FRMD4A: variants seen among roughly 807,000 people sequenced by gnomAD.
FRMD4A encodes FERM domain-containing protein 4A.
In FRMD4A, 29 loss-of-function variants were observed where a neutral mutation model predicts 129.1. The observed-to-expected ratio is 0.22, with a 90% CI of 0.17 to 0.31. FRMD4A has a LOEUF of 0.31. Ranked by LOEUF, FRMD4A falls within the 10% of genes least tolerant of loss-of-function variation. The pLI is 1.00. For missense variants in FRMD4A, 1,272 were observed against 1,375.8 expected (o/e 0.92, Z 1.19); for synonymous variants, 634 against 571.6 (o/e 1.11, Z -1.56).
chr10:13,710,079 C>A (rs2087859794), intron 12 of FRMD4A, among the ~76,000 whole-genome samples: 1 of 152,082 alleles, frequency 6.6e-6, no homozygotes, highest in Non-Finnish European at 1.5e-5. Context: ...TGATCCTGGC[C>A]TTAGGTCCTG....
intron 2 of FRMD4A, among the ~76,000 whole-genome samples, chr10:14,207,278 A>G (rs1270058273): frequency 6.6e-6 from 1 of 152,196 alleles, no homozygotes; most frequent in African/African-American, 2.4e-5. Flanking sequence ...GACTGGTTTC[A>G]TGAAAGACAA....
In FRMD4A at chr10:13,955,112, C is replaced by CTTTTTTTTTTTTTTTTTTTTTTT. The variant is rs71388139; in HGVS notation, c.46-96201_46-96200insAAAAAAAAAAAAAAAAAAAAAAA. ...TTCCAACCCCATGTTAATAATTCTG[C>CTTTTTTTTTTTTTTTTTTTTTTT]TTTTTTTTTTTTTGAGACGGAGTAT... On this transcript the variant is annotated intron_variant, in intron 2 of 24. Coordinates refer to ENST00000357447, the MANE Select transcript of FRMD4A (RefSeq NM_018027.5). Among the ~76,000 whole-genome samples the CTTTTTTTTTTTTTTTTTTTTTTT allele has an allele frequency of 1.2e-4, 12 of 102,958 alleles. 2 individuals are homozygous for CTTTTTTTTTTTTTTTTTTTTTTT. Among genetic ancestry groups the CTTTTTTTTTTTTTTTTTTTTTTT allele is most frequent in the Admixed American group, 2.6e-4 (2 of 7,824 alleles). The allele number at this position is 102,958 out of a possible 152,430, so 67.5% of individuals were successfully genotyped here. A position where few individuals can be genotyped will look rare whatever the true frequency, so the allele number is the denominator to read the frequency against.
chr10:14,121,438 G>A (rs111847747), intron 2 of FRMD4A, among the ~76,000 whole-genome samples: 1 of 152,118 alleles, frequency 6.6e-6, no homozygotes, highest in Non-Finnish European at 1.5e-5. Context: ...GGCCCAAAAT[G>A]GGCCTGGAAA....
intron 8 of FRMD4A, among the ~76,000 whole-genome samples, chr10:13,761,166 A>G (rs1476281197): frequency 6.6e-6 from 1 of 152,236 alleles, no homozygotes; most frequent in Non-Finnish European, 1.5e-5. Context: ...GACAGAAGGA[A>G]AGCAGAGGTG....
At chr10:13,871,803 C>T (rs2094441587) in intron 2 of FRMD4A, among the ~76,000 whole-genome samples, 1 of 152,258 alleles carries the variant, frequency 6.6e-6, no homozygotes, top group Non-Finnish European at 1.5e-5. Flanking sequence ...ACACATCCCA[C>T]TCCTGTCCTC....
chr10:13,716,082 C>T (rs2088774655), intron 12 of FRMD4A, among the ~76,000 whole-genome samples: 1 of 152,020 alleles, frequency 6.6e-6, no homozygotes, highest in Non-Finnish European at 1.5e-5. Context: ...GTGTCATGAG[C>T]ATTGCAAAAA....
At chr10:14,209,110 C>T (rs1842867236) in intron 2 of FRMD4A, among the ~76,000 whole-genome samples, 1 of 152,076 alleles carries the variant, frequency 6.6e-6, no homozygotes, top group South Asian at 2.1e-4. Flanking sequence ...TTTTCTCTTC[C>T]TCACTTTCCT....
intron 2 of FRMD4A, among the ~76,000 whole-genome samples, chr10:14,157,422 G>A (rs1840657618): frequency 1.3e-5 from 2 of 152,202 alleles, no homozygotes; most frequent in Non-Finnish European, 2.9e-5. Context: ...AGTGGAAGCG[G>A]AGTGGGATTG....
At chr10:13,956,632 T>C (rs1424944172) in intron 2 of FRMD4A, among the ~76,000 whole-genome samples, 2 of 152,218 alleles carry the variant, frequency 1.3e-5, no homozygotes, top group Non-Finnish European at 2.9e-5. Context: ...GTGTACGCCA[T>C]GATGCTAATC....
At chr10:14,083,745 T>C (rs1411646886) in intron 2 of FRMD4A, 1 of 152,194 alleles carries the variant, frequency 6.6e-6, no homozygotes, top group Non-Finnish European at 1.5e-5. Flanking sequence ...CCCTCATTTA[T>C]GGCAGCAAAG....
At chr10:14,190,482 C>T (rs1441197397) in intron 2 of FRMD4A, among the ~76,000 whole-genome samples, 1 of 152,138 alleles carries the variant, frequency 6.6e-6, no homozygotes, top group Non-Finnish European at 1.5e-5. Context: ...AGCGATCCTG[C>T]CTCCCGAGTA....
chr10:13,679,444 A>T (rs2084295593), intron 15 of FRMD4A, among the ~76,000 whole-genome samples: 2 of 50,080 alleles, frequency 4.0e-5, no homozygotes, highest in Admixed American at 2.3e-4. Context: ...AAAAAAAAAA[A>T]AAAAAAAAAA....
intron 3 of FRMD4A, among the ~76,000 whole-genome samples, chr10:13,851,393 T>C (rs897612265): frequency 2.9e-4 from 44 of 152,194 alleles, no homozygotes; most frequent in Non-Finnish European, 1.5e-4. Flanking sequence ...CCCTGGGCCA[T>C]GGACTGGTAC....
intron 2 of FRMD4A, among the ~76,000 whole-genome samples, chr10:14,216,021 T>C (rs1394174473): frequency 6.6e-6 from 1 of 152,058 alleles, no homozygotes; most frequent in Non-Finnish European, 1.5e-5. Flanking sequence ...GCAATCTCCA[T>C]GGGGGAAAGA....
At chr10:14,078,027 T>C (rs1441776401) in intron 2 of FRMD4A, among the ~76,000 whole-genome samples, 3 of 152,198 alleles carry the variant, frequency 2.0e-5, no homozygotes, top group Admixed American at 6.5e-5. Context: ...TGGTGGACAA[T>C]TTCAGCTTCA....
chr10:13,671,588 G>C (rs1019186727), intron 16 of FRMD4A, among the ~76,000 whole-genome samples: 1 of 152,214 alleles, frequency 6.6e-6, no homozygotes, highest in Non-Finnish European at 1.5e-5. Context: ...AGTGAATTTA[G>C]TTGACAGACT....
intron 2 of FRMD4A, among the ~76,000 whole-genome samples, chr10:14,167,382 A>T (rs1212007897): frequency 1.3e-5 from 2 of 151,786 alleles, no homozygotes; most frequent in East Asian, 1.9e-4. Flanking sequence ...AAGTGCAAAA[A>T]TTAGCCGGGT....
intron 2 of FRMD4A, among the ~76,000 whole-genome samples, chr10:13,899,781 G>GTGAAA (rs1291777164): frequency 3.9e-5 from 6 of 152,214 alleles, no homozygotes; most frequent in African/African-American, 1.4e-4. Flanking sequence ...GCCACAGGCT[G>GTGAAA]TACATGTGAA....
At chr10:13,762,556 G>T (rs2130702996) in intron 7 of FRMD4A, 68 bp downstream of exon 7, 1 of 893,582 alleles carries the variant, frequency 1.1e-6, no homozygotes, top group Non-Finnish European at 1.9e-6. Flanking sequence ...GGCTATGCCT[G>T]GTAAGTCTTA....
Sources: gnomAD v4.1 joint callset for allele counts (sites outside exome capture counted in the v4.1 genomes callset) on GRCh38, gnomAD v4.1.1 for gene constraint, MANE v1.5 for transcripts, NCBI Gene and HGNC (gene_info 2026-07-23, HGNC 2026-07-21) for gene names.